The following ITIH5 variants were observed in gnomAD, a reference collection of about 807,000 sequenced individuals.
ITIH5 encodes the protein inter-alpha-trypsin inhibitor heavy chain 5.
Under a neutral mutation model 77.5 loss-of-function variants are expected in ITIH5, and 65 were observed. That is an observed-to-expected ratio of 0.84 (90% CI 0.69 to 1.03). The LOEUF is 1.03. ITIH5 is among the 50% of genes least tolerant of loss of function. The probability of loss-of-function intolerance (pLI) is 0.00; values close to 1 mark genes in which losing one functional copy is unlikely to be tolerated. For missense variants in ITIH5, 1,208 were observed against 1,213.1 expected (o/e 1.00, Z 0.06); for synonymous variants, 525 against 494.3 (o/e 1.06, Z -0.82).
chr10:7,642,696 C>T (rs1833909743), intron 2 of ITIH5, among the ~76,000 whole-genome samples: 1 of 152,172 alleles, frequency 6.6e-6, no homozygotes, highest in African/African-American at 2.4e-5. Flanking sequence ...TTAAATTTCT[C>T]CCAAAAGCCC....
chr10:7,616,822 G>A (rs1230602805), intron 6 of ITIH5, among the ~76,000 whole-genome samples: 2 of 152,040 alleles, frequency 1.3e-5, no homozygotes, highest in African/African-American at 4.8e-5. Flanking sequence ...GTGAGATTTG[G>A]TCTCAAAAAT....
intron 10 of ITIH5, among the ~76,000 whole-genome samples, chr10:7,575,391 T>G (rs1832389719): frequency 6.6e-6 from 1 of 151,822 alleles, no homozygotes; most frequent in Non-Finnish European, 1.5e-5. Flanking sequence ...GACTTTAGAG[T>G]GTGAGGAATA....
At chr10:7,573,896 G>T (rs548300876) in intron 10 of ITIH5, among the ~76,000 whole-genome samples, 4 of 152,104 alleles carry the variant, frequency 2.6e-5, no homozygotes, top group African/African-American at 4.8e-5. Context: ...CATTTCAGAC[G>T]TGCAAGATGG....
chr10:7,661,907 G>C (rs1834282429), intron 1 of ITIH5, among the ~76,000 whole-genome samples: 1 of 152,086 alleles, frequency 6.6e-6, no homozygotes, highest in South Asian at 2.1e-4. Flanking sequence ...CAACCATGTT[G>C]TCCAGGCTGG....
chr10:7,618,536 A>G (rs1391911711), intron 5 of ITIH5: 1 of 152,188 alleles, frequency 6.6e-6, no homozygotes, highest in African/African-American at 2.4e-5. Context: ...ACCCCAAAAG[A>G]TGAGGTCTGC....
rs77690809 is a variant in ITIH5, at chr10:7,654,967, T to A, written c.135+664A>T. Among the ~76,000 whole-genome samples, 122 of 60,082 alleles carry A rather than the reference T, an allele frequency of 2.0e-3. 1 individual carries two copies. The highest frequency in any genetic ancestry group is 7.0e-3 in the African/African-American group (96 of 13,704). 39.4% of individuals were successfully genotyped at this position (60,082 alleles called of 152,430 possible). ...ATGAGAAAACCAAGCAAAAAAAAAA[T>A]TTTTTTTAATTCAAAATCTCAATCC... On this transcript the variant is annotated intron_variant, in intron 2 of 13. Transcript: ENST00000397146.
Position 7,576,622 on chromosome 10 carries a change from C to T in ITIH5, c.1809G>A (p.Gln603=). 1 of 1,614,128 alleles carries T rather than the reference C, an allele frequency of 6.2e-7. No individual in the cohort carries two copies. Among genetic ancestry groups the T allele is most frequent in the Non-Finnish European group, 8.5e-7 (1 of 1,180,038 alleles). Reference sequence around the variant, plus strand: ...AGCTCACAGCCAGGGCCTGGGCCCGCTGCCGCAGCCGCTCCTTCTCCGGTT... The same window carrying T: ...AGCTCACAGCCAGGGCCTGGGCCCGTTGCCGCAGCCGCTCCTTCTCCGGTT... ...DDEPEKERLR[Q]RAQALAVSYR... Residue 603 remains glutamine, a synonymous_variant, in exon 10 of 14, where the codon CAG becomes CAA. Transcript: ENST00000397146.
At chr10:7,598,834 T>C (rs1286703725) in intron 7 of ITIH5, among the ~76,000 whole-genome samples, 5 of 152,228 alleles carry the variant, frequency 3.3e-5, no homozygotes, top group Non-Finnish European at 7.4e-5. Context: ...AAGTCAGCCT[T>C]AACTTTTTTT....
intron 4 of ITIH5, among the ~76,000 whole-genome samples, chr10:7,638,103 G>C (rs1833830340): frequency 6.6e-6 from 1 of 152,178 alleles, no homozygotes; most frequent in Non-Finnish European, 1.5e-5. Flanking sequence ...AGAAGGCTTG[G>C]GGTGTTCAGT....
At chr10:7,564,956 TATAC>T (rs1467598792) in intron 13 of ITIH5, among the ~76,000 whole-genome samples, 3 of 141,440 alleles carry the variant, frequency 2.1e-5, no homozygotes, top group Non-Finnish European at 3.1e-5. Flanking sequence ...ACACAGACTG[TATAC>T]ATACATATAC....
At chr10:7,573,895 C>T (rs555195675) in intron 10 of ITIH5, among the ~76,000 whole-genome samples, 4 of 152,056 alleles carry the variant, frequency 2.6e-5, no homozygotes, top group Non-Finnish European at 5.9e-5. Flanking sequence ...GCATTTCAGA[C>T]GTGCAAGATG....
At chr10:7,584,326 G>C (rs12217491) in intron 8 of ITIH5, among the ~76,000 whole-genome samples, 1 of 138,140 alleles carries the variant, frequency 7.2e-6, no homozygotes, top group Non-Finnish European at 1.5e-5. Context: ...TTTTTTTTGA[G>C]ACAGAGTCTC....
In ITIH5 at chr10:7,642,359, C is replaced by T. The variant is rs1333875633; in HGVS notation, c.136-269G>A. Among the ~76,000 whole-genome samples, 3 of 152,226 alleles carry T rather than the reference C, an allele frequency of 2.0e-5. No homozygotes were observed. The East Asian group carries it at 5.8e-4, about 29-fold the overall frequency. On this transcript the variant is annotated intron_variant, in intron 2 of 13. Transcript: ENST00000397146. Reference sequence around the variant, plus strand: ...CTTTAACAAGTGAACACAGTGAAGACGTCCAATTTGGCAGAAAATACACGT... The same window carrying T: ...CTTTAACAAGTGAACACAGTGAAGATGTCCAATTTGGCAGAAAATACACGT...
At chr10:7,587,042 G>C (rs1832693833) in intron 7 of ITIH5, among the ~76,000 whole-genome samples, 1 of 152,024 alleles carries the variant, frequency 6.6e-6, no homozygotes, top group African/African-American at 2.4e-5. Flanking sequence ...GTTGCCCAGG[G>C]TGGTCTCGAA....
chr10:7,631,346 G>C (rs980549973), intron 5 of ITIH5, among the ~76,000 whole-genome samples: 2 of 152,226 alleles, frequency 1.3e-5, no homozygotes, highest in East Asian at 3.8e-4. Context: ...CGCTAAGCCA[G>C]ACTTGGAGCC....
At chr10:7,619,406 CA>C (rs1833432470) in intron 5 of ITIH5, 1 of 154,356 alleles carries the variant, frequency 6.5e-6, no homozygotes, top group Non-Finnish European at 1.4e-5. Flanking sequence ...ATGATAGTAC[CA>C]ATCTCACAGT....
At chr10:7,601,893 C>T (rs936721982) in intron 7 of ITIH5, among the ~76,000 whole-genome samples, 6 of 152,174 alleles carry the variant, frequency 3.9e-5, no homozygotes, top group Non-Finnish European at 5.9e-5. Context: ...CCCTCTGTCG[C>T]CCAGGCTGGA....
intron 5 of ITIH5, among the ~76,000 whole-genome samples, chr10:7,636,044 C>T (rs139288809): frequency 3.8e-4 from 58 of 152,284 alleles, no homozygotes; most frequent in African/African-American, 1.3e-3. Flanking sequence ...CAATTCAACA[C>T]TGACCAGCCT....
intron 10 of ITIH5, among the ~76,000 whole-genome samples, chr10:7,575,384 T>C (rs940850567): frequency 3.3e-5 from 5 of 152,122 alleles, no homozygotes; most frequent in African/African-American, 4.8e-5. Flanking sequence ...CTTCTAAGAC[T>C]TTAGAGTGTG....
Sources: allele counts gnomAD v4.1 joint callset (sites outside exome capture counted in the v4.1 genomes callset), GRCh38; gene constraint gnomAD v4.1.1; transcripts MANE v1.5; gene names NCBI Gene and HGNC (gene_info 2026-07-23, HGNC 2026-07-21).